The following NBPF11 variants were observed in gnomAD, a reference collection of about 807,000 sequenced individuals.
NBPF11 encodes the protein NBPF family member NBPF11.
In NBPF11, 72 loss-of-function variants were observed where a neutral mutation model predicts 93.9. That is an observed-to-expected ratio of 0.77 (90% CI 0.63 to 0.93). The LOEUF (loss-of-function observed/expected upper bound fraction) is 0.93, where lower values mean the gene tolerates loss of function less well. Among genes scored for constraint, NBPF11 ranks in the 40% least tolerant of loss-of-function variants. The probability of loss-of-function intolerance (pLI) is 0.00; values close to 1 mark genes in which losing one functional copy is unlikely to be tolerated. For synonymous variants in NBPF11, 224 were observed against 304.9 expected (o/e 0.73, Z 2.76); for missense variants, 705 against 802.2 (o/e 0.88, Z 1.46).
chr1:148,110,313 A>G, intron 16 of NBPF11, 65 bp downstream of exon 16: 1 of 1,559,202 alleles, frequency 6.4e-7, no homozygotes, highest in Non-Finnish European at 8.8e-7. Context: ...CACAAGGCCC[A>G]AAGATTATGG....
intron 1 of NBPF11, among the ~76,000 whole-genome samples, chr1:148,147,415 C>A (rs1239881055): frequency 1.3e-5 from 2 of 152,050 alleles, no homozygotes; most frequent in African/African-American, 4.8e-5. Flanking sequence ...AGACCCGCAG[C>A]ACACATCCGA....
Position 148,115,672 on chromosome 1 carries a change from T to C in NBPF11, c.1585+121A>G, listed in dbSNP as rs1164990072. 4.1e-6 allele frequency: 5 copies of C among 1,225,770 alleles called. No homozygotes were observed. In the African/African-American group the frequency reaches 4.7e-5, roughly 12 times the overall value. 75.9% of individuals were successfully genotyped at this position (1,225,770 alleles called of 1,614,324 possible). ...AGAAGGACAAAAAAACTCCCTGATA[T>C]CTGTTTAGAAACCCATCACAGTTTT... On this transcript the variant is annotated intron_variant, in intron 14 of 23. Coordinates refer to ENST00000682118, the MANE Select transcript of NBPF11 (RefSeq NM_001385469.3).
In NBPF11 at chr1:148,115,827, A is replaced by T; in HGVS notation, c.1551T>A (p.His517Gln). The T allele has an allele frequency of 1.3e-6, 2 of 1,585,534 alleles. No individual in the cohort carries two copies. The highest frequency in any genetic ancestry group is 1.7e-6 in the Non-Finnish European group (2 of 1,163,990). ...VDSTLIGSSS[H>Q]VEWEDAVHII... Reference sequence around the variant, plus strand: ...TGTGTACAGCATCCTCCCATTCAACATGAGAGGATGAGCCAATGAGAGTTG... The same window carrying T: ...TGTGTACAGCATCCTCCCATTCAACTTGAGAGGATGAGCCAATGAGAGTTG... The change falls in exon 14 of 24, where the codon CAT becomes CAA. Residue 517 changes from histidine to glutamine, a missense_variant. His to Gln is a conservative substitution (Grantham distance 24, BLOSUM62 0). Around this residue, in one of 12 missense-constraint regions of NBPF11, gnomAD observed 54 missense variants for 91.8 expected, o/e 0.59. Coordinates refer to ENST00000682118, the MANE Select transcript of NBPF11 (RefSeq NM_001385469.3).
In NBPF11 at chr1:148,145,201, CTT is replaced by C. The variant is rs1190949525; in HGVS notation, c.-548-1517_-548-1516del. On this transcript the variant is annotated intron_variant, in intron 1 of 23. Coordinates refer to ENST00000682118, the MANE Select transcript of NBPF11 (RefSeq NM_001385469.3). ...CTAGGCATTGATTTCTTTTTTCTTT[CTT>C]TTTTTTTTTTTTTTTTTTTTTGGTA... is the stretch of plus-strand genomic sequence containing the variant. 9.4e-3 allele frequency among the ~76,000 whole-genome samples: 710 copies of C among 75,502 alleles called. 2 individuals carry two copies. The highest frequency in any genetic ancestry group is 0.036 in the African/African-American group (623 of 17,178). The allele number at this position is 75,502 out of a possible 152,430, so 49.5% of individuals were successfully genotyped here. A position where few individuals can be genotyped will look rare whatever the true frequency, so the allele number is the denominator to read the frequency against.
At chr1:148,140,762 A>G (rs3992744) in intron 2 of NBPF11, among the ~76,000 whole-genome samples, 1 of 151,944 alleles carries the variant, frequency 6.6e-6, no homozygotes, top group African/African-American at 2.4e-5. Flanking sequence ...AAATGCTGTC[A>G]AAGATCAGGA....
chr1:148,132,241 G>A (rs1670509568), intron 4 of NBPF11, among the ~76,000 whole-genome samples: 1 of 143,944 alleles, frequency 6.9e-6, no homozygotes, highest in Non-Finnish European at 1.5e-5. Context: ...ACACATGTTT[G>A]TGTGTGTGTG....
chr1:148,149,205 T>C, intron 1 of NBPF11: 1 of 1,554,964 alleles, frequency 6.4e-7, no homozygotes, highest in Non-Finnish European at 8.7e-7. Flanking sequence ...GGGCAGAGCA[T>C]CGGCACGGTG....
chr1:148,111,518 C>T (rs1237322273), intron 15 of NBPF11, among the ~76,000 whole-genome samples: 16 of 151,768 alleles, frequency 1.1e-4, no homozygotes, highest in Non-Finnish European at 7.4e-5. Context: ...AAAGATTAGA[C>T]GAATGGCTAA....
intron 1 of NBPF11, among the ~76,000 whole-genome samples, chr1:148,151,242 C>A (rs1377772756): frequency 6.6e-6 from 1 of 151,944 alleles, no homozygotes; most frequent in African/African-American, 2.4e-5. Context: ...ATTCAGTGAT[C>A]GCTACAAACG....
At chr1:148,111,948 T>A (rs1210135887) in intron 15 of NBPF11, among the ~76,000 whole-genome samples, 1 of 150,438 alleles carries the variant, frequency 6.6e-6, no homozygotes, top group Non-Finnish European at 1.5e-5. Flanking sequence ...GACACATAAT[T>A]GTCAGATTCA....
At chr1:148,112,349 T>A (rs1196388150) in intron 15 of NBPF11, among the ~76,000 whole-genome samples, 62 of 130,128 alleles carry the variant, frequency 4.8e-4, no homozygotes, top group Middle Eastern at 3.9e-3. Context: ...TTCCCCTTCC[T>A]GTGTCCATGT....
At chr1:148,121,067 C>T (rs1413960758) in intron 9 of NBPF11, among the ~76,000 whole-genome samples, 16 of 151,718 alleles carry the variant, frequency 1.1e-4, no homozygotes, top group Admixed American at 3.3e-4. Context: ...CTGTTTGAGA[C>T]GGAGTCTCAC....
At chr1:148,120,465 T>C in intron 10 of NBPF11, 36 bp downstream of exon 10, 1 of 879,344 alleles carries the variant, frequency 1.1e-6, no homozygotes, top group Non-Finnish European at 2.0e-6. Flanking sequence ...AGGACTTCGT[T>C]CATCACTTTC....
chr1:148,102,470 T>G lies in NBPF11; in HGVS notation c.*1426A>C, dbSNP rs1481006287. 2.6e-5 allele frequency: 4 copies of G among 151,824 alleles called. No individual in the cohort carries two copies. Among genetic ancestry groups the G allele is most frequent in the African/African-American group, 9.7e-5 (4 of 41,132 alleles). The allele number at this position is 151,824 out of a possible 1,614,324, so 9.4% of individuals were successfully genotyped here. A position where few individuals can be genotyped will look rare whatever the true frequency, so the allele number is the denominator to read the frequency against. On this transcript the variant is annotated 3_prime_UTR_variant, in exon 24 of 24. Coordinates refer to ENST00000682118, the MANE Select transcript of NBPF11 (RefSeq NM_001385469.3). ...GGGACAGATCTCCTAGACCCCTCCT[T>G]AACCAAGTAACCAGTCCTGATATCA...
intron 10 of NBPF11, 86 bp downstream of exon 10, chr1:148,120,415 T>G: frequency 1.3e-6 from 1 of 780,904 alleles, no homozygotes; most frequent in Non-Finnish European, 2.4e-6. Flanking sequence ...GATGACATTA[T>G]TTTTGATGGA....
At chr1:148,141,964 A>AGG (rs1491282998) in intron 2 of NBPF11, among the ~76,000 whole-genome samples, 5 of 149,418 alleles carry the variant, frequency 3.3e-5, no homozygotes, top group African/African-American at 1.2e-4. Context: ...AGAGAGAGAG[A>AGG]AAGAAAAAGA....
rs1278423084 is a variant in NBPF11 at position 148,124,051 on chromosome 1, C to T, written c.295G>A (p.Val99Ile). 6.3e-7 allele frequency: 1 copy of T among 1,598,296 alleles called. No homozygotes were observed. The highest frequency in any genetic ancestry group is 1.3e-5 in the African/African-American group (1 of 74,288). The change falls in exon 7 of 24, where the codon GTT becomes ATT. Residue 99 changes from valine (V) to isoleucine (I), a missense_variant. Physicochemically the swap from Val to Ile is conservative, Grantham distance 29. Coordinates refer to ENST00000682118, the MANE Select transcript of NBPF11 (RefSeq NM_001385469.3). The stretch of plus-strand genomic sequence containing the variant: ...GTCAGCTCTCGTTCCTGAGAGTGAA[C>T]CAGGACTTTATATTGCCTAAGGTGA... ...AEELRQYKVL[V>I]HSQERELTQL...
chr1:148,145,113 A>G (rs1401112310), intron 1 of NBPF11, among the ~76,000 whole-genome samples: 2 of 149,814 alleles, frequency 1.3e-5, no homozygotes, highest in African/African-American at 5.0e-5. Flanking sequence ...AAAAAAAAAA[A>G]TGCAAAAACT....
Position 148,137,694 on chromosome 1 carries a change from A to G in NBPF11, c.-178+17T>C, listed in dbSNP as rs1301990002. ...GACCAATCAATGAAAGAACTACAGTAAAAATATTGCCCTCACCTTTATGTG... is the reference window on the plus strand; with the variant it reads ...GACCAATCAATGAAAGAACTACAGTGAAAATATTGCCCTCACCTTTATGTG... On this transcript the variant is annotated intron_variant, in intron 3 of 23. Coordinates refer to ENST00000682118, the MANE Select transcript of NBPF11 (RefSeq NM_001385469.3). The G allele has an allele frequency of 6.7e-6, 1 of 149,816 alleles. No individual in the cohort carries two copies. Among genetic ancestry groups the G allele is most frequent in the East Asian group, 1.9e-4 (1 of 5,144 alleles). The allele number at this position is 149,816 out of a possible 1,614,324, so 9.3% of individuals were successfully genotyped here.
Sources: gnomAD v4.1 joint callset for allele counts (sites outside exome capture counted in the v4.1 genomes callset) on GRCh38, gnomAD v4.1.1 for gene constraint, gnomAD v4.1.1 regional missense constraint, MANE v1.5 for transcripts, NCBI Gene and HGNC (gene_info 2026-07-23, HGNC 2026-07-21) for gene names.